Variants in KIF23 observed in about 807,000 individuals in gnomAD.
The protein encoded by KIF23 is kinesin-like protein KIF23.
In KIF23, 30 loss-of-function variants were observed where a neutral mutation model predicts 137.5. That is an observed-to-expected ratio of 0.22 (90% CI 0.16 to 0.30). The LOEUF (loss-of-function observed/expected upper bound fraction) is 0.30. Ranked by LOEUF, KIF23 falls within the 10% of genes least tolerant of loss-of-function variation. The probability of loss-of-function intolerance (pLI) is 1.00; values close to 1 mark genes in which losing one functional copy is unlikely to be tolerated. For synonymous variants in KIF23, 367 were observed against 391.1 expected, an observed-to-expected ratio of 0.94 and a Z score of 0.73; for missense variants, 920 against 1,194.3, an observed-to-expected ratio of 0.77 and a Z score of 3.38.
intron 3 of KIF23, among the ~76,000 whole-genome samples, chr15:69,420,650 G>C (rs773096348): frequency 6.6e-6 from 1 of 152,134 alleles, no homozygotes; most frequent in Non-Finnish European, 1.5e-5. Flanking sequence ...ACATCAAAAC[G>C]TGGTATTATG....
intron 15 of KIF23, among the ~76,000 whole-genome samples, chr15:69,437,421 C>T (rs980280751): frequency 6.7e-6 from 1 of 148,662 alleles, no homozygotes; most frequent in Non-Finnish European, 1.5e-5. Context: ...AATTCTGGTA[C>T]ATAGTGAATG....
intron 15 of KIF23, among the ~76,000 whole-genome samples, chr15:69,438,033 A>AT (rs2057524399): frequency 1.3e-5 from 2 of 152,208 alleles, no homozygotes; most frequent in Admixed American, 1.3e-4. Flanking sequence ...AGACTTGAGT[A>AT]TTTTTTCAGC....
At chr15:69,447,260 A>G (rs1158163989) in intron 23 of KIF23, among the ~76,000 whole-genome samples, 1 of 152,164 alleles carries the variant, frequency 6.6e-6, no homozygotes, top group Admixed American at 6.5e-5. Flanking sequence ...AGGGAAGGCT[A>G]AAGGCTTAAG....
chr15:69,414,439 C>T lies in KIF23; in HGVS notation c.-27C>T, dbSNP rs1479258929. The stretch of plus-strand genomic sequence containing the variant: ...TCGCCAGCCAGCCGTCCCGCATGCG[C>T]GTTTGGGCGGCGTGGAGCCTGCTGC... On this transcript the variant is annotated 5_prime_UTR_variant, in exon 1 of 24. Transcript: ENST00000679126. 1.9e-6 allele frequency: 3 copies of T among 1,582,622 alleles called. No homozygotes were observed. The highest frequency in any genetic ancestry group is 2.3e-5 in the East Asian group (1 of 43,352).
At chr15:69,414,685 G>C in intron 1 of KIF23, 3 of 454,726 alleles carry the variant, frequency 6.6e-6, no homozygotes. Flanking sequence ...CTGCCGCGTC[G>C]CCCCCCGCCG....
chr15:69,440,718 TTC>T (rs1210786509), intron 18 of KIF23, 48 bp from the exon 19 acceptor site: 3 of 1,443,606 alleles, frequency 2.1e-6, no homozygotes, highest in Non-Finnish European at 2.8e-6. Context: ...AATGAATTGT[TTC>T]TCTCAGTTTT....
intron 8 of KIF23, 34 bp downstream of exon 8, chr15:69,425,357 A>T: frequency 6.6e-7 from 1 of 1,519,296 alleles, no homozygotes; most frequent in Non-Finnish European, 8.8e-7. Context: ...TCTTAAGGAG[A>T]AGGGTGCAGT....
chr15:69,426,875 C>A (rs2057207432), intron 10 of KIF23, among the ~76,000 whole-genome samples: 1 of 152,132 alleles, frequency 6.6e-6, no homozygotes, highest in Non-Finnish European at 1.5e-5. Flanking sequence ...TTTGTGCTGA[C>A]CATGTACAGA....
At position 69,414,446 on chromosome 15, in the gene KIF23, G is replaced by T; in HGVS notation, c.-20G>T. 6.3e-7 allele frequency: 1 copy of T among 1,585,630 alleles called. No individual in the cohort carries two copies. The highest frequency in any genetic ancestry group is 1.2e-5 in the South Asian group (1 of 86,606). On this transcript the variant is annotated 5_prime_UTR_variant, in exon 1 of 24. Coordinates refer to ENST00000679126, the MANE Select transcript of KIF23 (RefSeq NM_001367805.3). ...CCAGCCGTCCCGCATGCGCGTTTGG[G>T]CGGCGTGGAGCCTGCTGCCATGAAG...
At chr15:69,425,963 A>G (rs1257205120) in intron 8 of KIF23, 107 bp from the exon 9 acceptor site, 12 of 289,774 alleles carry the variant, frequency 4.1e-5, no homozygotes, top group Non-Finnish European at 7.4e-5. Flanking sequence ...TATAATTTTC[A>G]TTAGAAGAAT....
intron 11 of KIF23, among the ~76,000 whole-genome samples, chr15:69,433,684 T>G (rs1290499243): frequency 6.6e-6 from 1 of 152,210 alleles, no homozygotes; most frequent in Non-Finnish European, 1.5e-5. Context: ...GCCAGAAAGT[T>G]TGGGGATCTG....
intron 11 of KIF23, among the ~76,000 whole-genome samples, chr15:69,433,551 G>GC (rs2057403161): frequency 6.6e-6 from 1 of 152,092 alleles, no homozygotes; most frequent in African/African-American, 2.4e-5. Context: ...TCAGACTCTT[G>GC]CATGCTTCTT....
intron 10 of KIF23, 185 bp downstream of exon 10, chr15:69,426,642 A>C (rs2057200814): frequency 1.7e-6 from 1 of 599,646 alleles, no homozygotes; most frequent in Admixed American, 3.2e-5. Context: ...GATCGCTTGA[A>C]CCTGGGAGGC....
intron 20 of KIF23, 151 bp from the exon 21 acceptor site, chr15:69,445,858 A>G (rs2057729689): frequency 1.8e-6 from 1 of 568,510 alleles, no homozygotes; most frequent in African/African-American, 1.9e-5. Context: ...AATTATTTTG[A>G]TAGTACGTAC....
intron 20 of KIF23, 50 bp downstream of exon 20, chr15:69,445,091 A>G (rs775310336): frequency 2.6e-6 from 4 of 1,527,296 alleles, no homozygotes; most frequent in Non-Finnish European, 3.5e-6. Flanking sequence ...AAAATTCAAC[A>G]AAAGTCCATT....
At chr15:69,429,262 C>G (rs1299011330) in intron 11 of KIF23, 49 bp downstream of exon 11, 7 of 1,289,418 alleles carry the variant, frequency 5.4e-6, no homozygotes, top group Non-Finnish European at 7.7e-6. Flanking sequence ...CAGAAACTTG[C>G]AATGCCAGTT....
At chr15:69,438,616 T>C (rs1567075413) in intron 16 of KIF23, among the ~76,000 whole-genome samples, 1 of 152,000 alleles carries the variant, frequency 6.6e-6, no homozygotes, top group Non-Finnish European at 1.5e-5. Flanking sequence ...CTGGCCAACA[T>C]GGCAAAAGCC....
chr15:69,431,507 G>A (rs1047525815), intron 11 of KIF23, among the ~76,000 whole-genome samples: 1 of 152,098 alleles, frequency 6.6e-6, no homozygotes, highest in Non-Finnish European at 1.5e-5. Flanking sequence ...CCAGCTACTC[G>A]GGAGCCTGAG....
chr15:69,415,911 A>T, intron 1 of KIF23, 83 bp from the exon 2 acceptor site: 1 of 959,886 alleles, frequency 1.0e-6, no homozygotes, highest in Non-Finnish European at 1.5e-6. Flanking sequence ...TAACCTAGAA[A>T]GATTGTATAA....
Sources: gnomAD v4.1 joint callset for allele counts (sites outside exome capture counted in the v4.1 genomes callset) on GRCh38, gnomAD v4.1.1 for gene constraint, MANE v1.5 for transcripts, NCBI Gene and HGNC (gene_info 2026-07-23, HGNC 2026-07-21) for gene names.